The following RAD54L variants were observed in gnomAD, a reference collection of about 807,000 sequenced individuals.
RAD54L encodes the protein RAD54 like, also known as DNA repair and recombination protein RAD54-like.
In RAD54L, 74 loss-of-function variants were observed where a neutral mutation model predicts 91.6. The ratio of observed to expected loss-of-function variants is 0.81; its 90% confidence interval spans 0.67 to 0.98. The LOEUF (loss-of-function observed/expected upper bound fraction) is 0.98. RAD54L is among the 50% of genes least tolerant of loss of function. RAD54L has a pLI of 0.00. For synonymous variants in RAD54L, 304 were observed against 349.7 expected, an observed-to-expected ratio of 0.87 and a Z score of 1.46; for missense variants, 887 against 945.7, an observed-to-expected ratio of 0.94 and a Z score of 0.81.
intron 8 of RAD54L, 150 bp downstream of exon 8, chr1:46,261,535 C>A: frequency 1.0e-6 from 1 of 963,090 alleles, no homozygotes; most frequent in Non-Finnish European, 1.6e-6. Context: ...GCCTGTGATA[C>A]CAAAATACAA....
In RAD54L at chr1:46,260,825, G is replaced by A. The variant is rs753935441; in HGVS notation, c.576G>A (p.Gln192=). 3 of 1,614,262 alleles carry A rather than the reference G, an allele frequency of 1.9e-6. No individual in the cohort carries two copies. Among genetic ancestry groups the A allele is most frequent in the Non-Finnish European group, 2.5e-6 (3 of 1,180,038 alleles). ...ADEMGLGKTL[Q]CITLMWTLLR... ...AGATGGGCCTAGGAAAGACGCTGCA[G>A]TGCATCACATTGATGTGGACACTTT... The change falls in exon 7 of 18, where the codon CAG becomes CAA. Residue 192 remains glutamine, a synonymous_variant. Coordinates refer to ENST00000371975, the MANE Select transcript of RAD54L (RefSeq NM_003579.4).
In RAD54L at chr1:46,272,025, C is replaced by CTTTTTTTTT. The variant is rs1162693010; in HGVS notation, c.1170-415_1170-407dup. On this transcript the variant is annotated intron_variant, in intron 10 of 17. Coordinates refer to ENST00000371975, the MANE Select transcript of RAD54L (RefSeq NM_003579.4). Reference sequence around the variant, plus strand: ...GATGTGTTTGACATAGGTCTGATGACTTTTTTTTTTTTTTTTTTTTTTTTT... The same window carrying CTTTTTTTTT: ...GATGTGTTTGACATAGGTCTGATGACTTTTTTTTTTTTTTTTTTTTTTTTTTTTTTTTTT... Among the ~76,000 whole-genome samples, 275 of 41,160 alleles carry CTTTTTTTTT rather than the reference C, an allele frequency of 6.7e-3. 56 individuals carry two copies. The highest frequency in any genetic ancestry group is 7.8e-3 in the Non-Finnish European group (194 of 24,896). The allele number at this position is 41,160 out of a possible 152,430, so 27.0% of individuals were successfully genotyped here.
chr1:46,248,441 C>G, intron 1 of RAD54L, 33 bp downstream of exon 1: 1 of 1,614,054 alleles, frequency 6.2e-7, no homozygotes. Flanking sequence ...CTGGGAATAG[C>G]CCTGGGTCAG....
Position 46,270,696 on chromosome 1 carries a change from A to G in RAD54L, c.1080A>G (p.Pro360=). The change falls in exon 10 of 18, where the codon CCA becomes CCG. Residue 360 remains proline (P), a synonymous_variant. Coordinates refer to ENST00000371975, the MANE Select transcript of RAD54L (RefSeq NM_003579.4). Reference sequence around the variant, plus strand: ...AATTCAAGAAGCATTTTGAATTGCCAATTTTGAAGGGTCGAGACGCTGCTG... The same window carrying G: ...AATTCAAGAAGCATTTTGAATTGCCGATTTTGAAGGGTCGAGACGCTGCTG... ...AHEFKKHFEL[P]ILKGRDAAAS... is the part of the protein sequence containing the mutation. The G allele has an allele frequency of 1.2e-6, 2 of 1,614,220 alleles. No homozygotes were observed. The highest frequency in any genetic ancestry group is 1.7e-6 in the Non-Finnish European group (2 of 1,180,038).
In RAD54L at chr1:46,258,732, T is replaced by G. The variant is rs1660009998; in HGVS notation, c.257T>G (p.Ile86Ser). ...SILSKPFKVP[I>S]PNYQGPLGSR... is the part of the protein sequence containing the mutation. ...TTGTCAAAGCCTTTCAAAGTCCCCATTCCAAATTATCAAGGTAAAATGGAG... is the reference window on the plus strand; with the variant it reads ...TTGTCAAAGCCTTTCAAAGTCCCCAGTCCAAATTATCAAGGTAAAATGGAG... The change falls in exon 4 of 18, where the codon ATT (isoleucine) becomes AGT (serine). Residue 86 changes from isoleucine (I) to serine (S), a missense_variant. Transcript: ENST00000371975. 2 of 1,602,196 alleles carry G rather than the reference T, an allele frequency of 1.2e-6. No homozygotes were observed. The highest frequency in any genetic ancestry group is 1.7e-6 in the Non-Finnish European group (2 of 1,169,174).
Position 46,247,956 on chromosome 1 carries a change from C to A in RAD54L, c.-450C>A. The A allele has an allele frequency of 3.4e-6, 1 of 291,160 alleles. No individual in the cohort carries two copies. Among genetic ancestry groups the A allele is most frequent in the Non-Finnish European group, 6.7e-6 (1 of 148,414 alleles). 18.0% of individuals were successfully genotyped at this position (291,160 alleles called of 1,614,324 possible). A position where few individuals can be genotyped will look rare whatever the true frequency, so the allele number is the denominator to read the frequency against. ...TCCAGCCCTGGGAAATTTCCTTTCT[C>A]CAGACTCGCCCTCCCCACCCGGGCC... On this transcript the variant is annotated 5_prime_UTR_variant, in exon 1 of 18. Transcript: ENST00000371975.
At chr1:46,249,411 T>G (rs1000844787) in intron 2 of RAD54L, among the ~76,000 whole-genome samples, 12 of 152,194 alleles carry the variant, frequency 7.9e-5, no homozygotes, top group Admixed American at 7.2e-4. Context: ...TACCGTGGTG[T>G]GCAAGGGGCT....
At chr1:46,276,461 C>T (rs1403255743) in intron 16 of RAD54L, among the ~76,000 whole-genome samples, 2 of 152,148 alleles carry the variant, frequency 1.3e-5, no homozygotes, top group Admixed American at 6.5e-5. Flanking sequence ...ACACCTGGCT[C>T]CCCTTCTGAA....
At position 46,250,103 on chromosome 1, in the gene RAD54L, T is replaced by G; in HGVS notation, c.194T>G (p.Leu65Arg). ...CAGCTAACCAATCAACCACCTTGTCTGGACAGCAGTCAGCATGTAAGCCAG... is the reference window on the plus strand; with the variant it reads ...CAGCTAACCAATCAACCACCTTGTCGGGACAGCAGTCAGCATGTAAGCCAG... Reference protein sequence around the residue: ...LSQLTNQPPCLDSSQHEAFIR... With the variant: ...LSQLTNQPPCRDSSQHEAFIR... The change falls in exon 3 of 18, where the codon CTG (leucine) becomes CGG (arginine). Residue 65 changes from leucine (L) to arginine (R), a missense_variant. By Grantham distance (102) the Leu-to-Arg change is moderately radical. Coordinates refer to ENST00000371975, the MANE Select transcript of RAD54L (RefSeq NM_003579.4). 6.2e-7 allele frequency: 1 copy of G among 1,614,196 alleles called. No individual in the cohort carries two copies. The highest frequency in any genetic ancestry group is 8.5e-7 in the Non-Finnish European group (1 of 1,180,032).
chr1:46,269,762 A>G (rs1306797528), intron 9 of RAD54L, among the ~76,000 whole-genome samples: 1 of 152,184 alleles, frequency 6.6e-6, no homozygotes, highest in Non-Finnish European at 1.5e-5. Context: ...GAACCTTCCA[A>G]TATATTAATA....
At chr1:46,264,468 C>T (rs889722208) in intron 8 of RAD54L, among the ~76,000 whole-genome samples, 10 of 152,206 alleles carry the variant, frequency 6.6e-5, no homozygotes, top group South Asian at 2.1e-4. Context: ...TCAAAAGACA[C>T]GGGATCAGCT....
At chr1:46,274,755 A>C in intron 16 of RAD54L, 38 bp downstream of exon 16, 1 of 1,611,326 alleles carries the variant, frequency 6.2e-7, no homozygotes. Context: ...GGGGTGGGTC[A>C]TGGAACGAGA....
At chr1:46,262,239 T>G (rs1005071356) in intron 8 of RAD54L, among the ~76,000 whole-genome samples, 10 of 151,372 alleles carry the variant, frequency 6.6e-5, no homozygotes, top group African/African-American at 2.4e-4. Flanking sequence ...AAACCGTGTC[T>G]CTACTAAAAC....
rs1019686884 is a variant in RAD54L, at chr1:46,267,502, T to A, written c.935T>A (p.Leu312Gln). Reference sequence around the variant, plus strand: ...TCTGAGAATCAGACTTACCAAGCCCTGGACAGCTTGAACACCAGCCGGCGG... The same window carrying A: ...TCTGAGAATCAGACTTACCAAGCCCAGGACAGCTTGAACACCAGCCGGCGG... ...KNSENQTYQA[L>Q]DSLNTSRRVL... The change falls in exon 9 of 18, where the codon CTG becomes CAG. Residue 312 changes from leucine (L) to glutamine (Q), a missense_variant. Physicochemically the swap from Leu to Gln is moderately radical, Grantham distance 113. Coordinates refer to ENST00000371975, the MANE Select transcript of RAD54L (RefSeq NM_003579.4). The A allele has an allele frequency of 1.9e-6, 3 of 1,614,062 alleles. No individual in the cohort carries two copies. Among genetic ancestry groups the A allele is most frequent in the Non-Finnish European group, 2.5e-6 (3 of 1,180,042 alleles).
chr1:46,249,849 A>C (rs955903138), intron 2 of RAD54L, 151 bp from the exon 3 acceptor site: 1 of 827,802 alleles, frequency 1.2e-6, no homozygotes, highest in African/African-American at 1.7e-5. Flanking sequence ...ATAACTCTAC[A>C]TAATAGAGTT....
In RAD54L at chr1:46,267,826, T is replaced by C. The variant is rs76138558; in HGVS notation, c.1042+217T>C. On this transcript the variant is annotated intron_variant, in intron 9 of 17. Coordinates refer to ENST00000371975, the MANE Select transcript of RAD54L (RefSeq NM_003579.4). ...AAAGCCCATGTTGGCCATTTTTCCA[T>C]TGCAGAGGTGGCAGGGGCTATACAG... 4.7e-6 allele frequency: 3 copies of C among 641,796 alleles called. No homozygotes were observed. In the East Asian group the frequency reaches 8.7e-5, roughly 19 times the overall value. The allele number at this position is 641,796 out of a possible 1,614,324, so 39.8% of individuals were successfully genotyped here.
At chr1:46,272,925 A>G in intron 12 of RAD54L, 123 bp downstream of exon 12, 1 of 1,392,304 alleles carries the variant, frequency 7.2e-7, no homozygotes, top group South Asian at 1.2e-5. Flanking sequence ...GCCACATGTG[A>G]TTCCAACCCT....
intron 10 of RAD54L, among the ~76,000 whole-genome samples, chr1:46,272,199 C>T (rs555515046): frequency 1.6e-4 from 24 of 151,958 alleles, no homozygotes; most frequent in African/African-American, 5.5e-4. Context: ...CCTGCCACCA[C>T]ACTTGGCTAA....
intron 3 of RAD54L, among the ~76,000 whole-genome samples, chr1:46,257,339 A>T (rs891742258): frequency 6.6e-6 from 1 of 151,904 alleles, no homozygotes; most frequent in African/African-American, 2.4e-5. Flanking sequence ...ATATATTCCC[A>T]TTAAAACTAC....
Sources: allele counts gnomAD v4.1 joint callset (sites outside exome capture counted in the v4.1 genomes callset), GRCh38; gene constraint gnomAD v4.1.1; transcripts MANE v1.5; gene names NCBI Gene and HGNC (gene_info 2026-07-23, HGNC 2026-07-21).